RNF13: variants seen among roughly 807,000 people sequenced by gnomAD.
RNF13 encodes the protein E3 ubiquitin-protein ligase RNF13.
Under a neutral mutation model 37.7 loss-of-function variants are expected in RNF13, and 19 were observed. The ratio of observed to expected loss-of-function variants is 0.50; its 90% CI spans 0.35 to 0.74. The LOEUF (loss-of-function observed/expected upper bound fraction) is 0.74. RNF13 is among the 30% of genes least tolerant of loss of function. The pLI is 0.01. For missense variants in RNF13, 375 were observed against 453.0 expected, an observed-to-expected ratio of 0.83 and a Z score of 1.56; for synonymous variants, 144 against 157.8, an observed-to-expected ratio of 0.91 and a Z score of 0.65.
At chr3:149,912,579 T>C (rs1175332540) in intron 7 of RNF13, among the ~76,000 whole-genome samples, 2 of 152,076 alleles carry the variant, frequency 1.3e-5, no homozygotes, top group African/African-American at 4.8e-5. Flanking sequence ...AAAAGTAAGA[T>C]GTATTGATGG....
chr3:149,898,978 C>G (rs916409782), intron 5 of RNF13, among the ~76,000 whole-genome samples: 2 of 152,070 alleles, frequency 1.3e-5, no homozygotes, highest in Non-Finnish European at 2.9e-5. Context: ...GACGGAACAA[C>G]AAGTACAACA....
At chr3:149,891,249 G>C (rs1164843541) in intron 4 of RNF13, among the ~76,000 whole-genome samples, 2 of 152,078 alleles carry the variant, frequency 1.3e-5, no homozygotes, top group African/African-American at 4.8e-5. Flanking sequence ...GAGTTGTATT[G>C]AATATTAGAG....
chr3:149,872,136 T>C lies in RNF13; in HGVS notation c.303T>C (p.Asp101=). 1 of 1,576,764 alleles carries C rather than the reference T, an allele frequency of 6.3e-7. No individual in the cohort carries two copies. The highest frequency in any genetic ancestry group is 2.3e-5 in the East Asian group (1 of 44,144). Residue 101 remains aspartate, a synonymous_variant, in exon 4 of 10, where the codon GAT becomes GAC. Transcript: ENST00000392894. ...TCATCGTGTTAATTAGAAGACTTGA[T>C]TGTAATTTTGATATAAAGGTATGAT... The part of the protein sequence containing the change: ...GTFIVLIRRL[D]CNFDIKVLNA...
intron 8 of RNF13, among the ~76,000 whole-genome samples, chr3:149,949,417 T>C (rs1721091149): frequency 6.6e-6 from 1 of 151,236 alleles, no homozygotes; most frequent in Admixed American, 6.6e-5. Flanking sequence ...CTCCTTTGTA[T>C]GTACTGGGTT....
chr3:149,832,974 A>G (rs1721210622), intron 1 of RNF13, among the ~76,000 whole-genome samples: 1 of 152,128 alleles, frequency 6.6e-6, no homozygotes, highest in Admixed American at 6.5e-5. Flanking sequence ...AATTTTTCTC[A>G]AACTCTTCCC....
intron 1 of RNF13, among the ~76,000 whole-genome samples, chr3:149,833,853 G>A (rs545348466): frequency 8.7e-4 from 133 of 152,278 alleles, no homozygotes; most frequent in African/African-American, 3.0e-3. Context: ...GACCTTACAT[G>A]TAGGCAATCT....
intron 1 of RNF13, among the ~76,000 whole-genome samples, chr3:149,831,156 G>A (rs1210569772): frequency 6.6e-6 from 1 of 152,262 alleles, no homozygotes; most frequent in Non-Finnish European, 1.5e-5. Flanking sequence ...GGGAAATACA[G>A]TGTTGGAGCC....
At chr3:149,948,776 CA>C (rs545303120) in intron 8 of RNF13, among the ~76,000 whole-genome samples, 15 of 152,332 alleles carry the variant, frequency 9.8e-5, no homozygotes, top group African/African-American at 2.6e-4. Context: ...GCTGTAATCG[CA>C]GCACTTTGGG....
intron 1 of RNF13, among the ~76,000 whole-genome samples, chr3:149,815,117 T>C (rs190891416): frequency 1.3e-5 from 2 of 152,268 alleles, no homozygotes; most frequent in Middle Eastern, 3.4e-3. Context: ...GGGCATAAAT[T>C]GTTGCTAGCA....
At chr3:149,866,049 T>G (rs12152421) in intron 3 of RNF13, among the ~76,000 whole-genome samples, 4,024 of 152,188 alleles carry the variant, frequency 0.026, 68 homozygotes, top group South Asian at 0.036. Context: ...CTGCCTTCCC[T>G]TTTTAGACCA....
chr3:149,842,869 G>A (rs1722307864), intron 1 of RNF13, among the ~76,000 whole-genome samples: 2 of 152,216 alleles, frequency 1.3e-5, no homozygotes, highest in African/African-American at 2.4e-5. Context: ...ACGCTCCACA[G>A]TATTTCATGG....
intron 8 of RNF13, among the ~76,000 whole-genome samples, chr3:149,936,678 T>C (rs1276948437): frequency 2.0e-5 from 3 of 152,182 alleles, no homozygotes; most frequent in African/African-American, 7.2e-5. Flanking sequence ...GAATTCTTGA[T>C]CAGAGAACTT....
intron 3 of RNF13, among the ~76,000 whole-genome samples, chr3:149,859,302 ATAGT>A (rs1420430962): frequency 6.6e-6 from 1 of 152,244 alleles, no homozygotes; most frequent in Non-Finnish European, 1.5e-5. Context: ...TCACATGCAC[ATAGT>A]TAGATGGTAT....
intron 3 of RNF13, among the ~76,000 whole-genome samples, chr3:149,855,592 G>A (rs909312118): frequency 2.1e-4 from 32 of 149,856 alleles, no homozygotes; most frequent in African/African-American, 6.1e-4. Context: ...ATATATATAC[G>A]TGTATATATG....
At chr3:149,829,000 G>A (rs1463288240) in intron 1 of RNF13, among the ~76,000 whole-genome samples, 1 of 152,160 alleles carries the variant, frequency 6.6e-6, no homozygotes, top group Non-Finnish European at 1.5e-5. Context: ...TAGTATAGAT[G>A]ACCGGATCAC....
At chr3:149,934,661 T>C (rs1576560672) in intron 8 of RNF13, among the ~76,000 whole-genome samples, 1 of 152,096 alleles carries the variant, frequency 6.6e-6, no homozygotes, top group East Asian at 1.9e-4. Context: ...AAGTTCCTTT[T>C]TTTTTTTTCC....
intron 8 of RNF13, among the ~76,000 whole-genome samples, chr3:149,945,245 A>G (rs1354358853): frequency 6.6e-6 from 1 of 152,010 alleles, no homozygotes; most frequent in Non-Finnish European, 1.5e-5. Context: ...AGGTAGTGTA[A>G]TGCCTCCAGC....
intron 1 of RNF13, among the ~76,000 whole-genome samples, chr3:149,820,242 C>G (rs1482394459): frequency 6.6e-6 from 1 of 151,134 alleles, no homozygotes; most frequent in Non-Finnish European, 1.5e-5. Context: ...TTTAAAGAGA[C>G]CGTCTTTTTC....
intron 6 of RNF13, among the ~76,000 whole-genome samples, chr3:149,903,785 G>C (rs1219941422): frequency 2.0e-5 from 3 of 152,068 alleles, no homozygotes; most frequent in Non-Finnish European, 2.9e-5. Flanking sequence ...ATAAATATAT[G>C]GCTATTTTTT....
Sources: allele counts gnomAD v4.1 joint callset (sites outside exome capture counted in the v4.1 genomes callset), GRCh38; gene constraint gnomAD v4.1.1; transcripts MANE v1.5; gene names NCBI Gene and HGNC (gene_info 2026-07-23, HGNC 2026-07-21).